The following RALGPS2 variants were observed in gnomAD, a reference collection of about 807,000 sequenced individuals.
RALGPS2 encodes ras-specific guanine nucleotide-releasing factor RalGPS2.
Under a neutral mutation model 86.8 loss-of-function variants are expected in RALGPS2, and 43 were observed. The observed-to-expected ratio is 0.50, with a 90% CI of 0.39 to 0.64. The LOEUF (loss-of-function observed/expected upper bound fraction) is 0.64, where lower values mean the gene tolerates loss of function less well. RALGPS2 is among the 30% of genes least tolerant of loss of function. The pLI, the probability that RALGPS2 is intolerant of heterozygous loss-of-function variation, is 0.00. For synonymous variants in RALGPS2, 243 were observed against 231.3 expected, an observed-to-expected ratio of 1.05 and a Z score of -0.46; for missense variants, 536 against 694.6, an observed-to-expected ratio of 0.77 and a Z score of 2.57.
intron 8 of RALGPS2, among the ~76,000 whole-genome samples, chr1:178,863,764 A>C (rs1454613619): frequency 6.6e-6 from 1 of 152,226 alleles, no homozygotes; most frequent in Non-Finnish European, 1.5e-5. Flanking sequence ...ATGCCAGTGA[A>C]GGACCTAAAG....
chr1:178,919,889 G>A lies in RALGPS2; in HGVS notation c.*3530G>A, dbSNP rs1660928994. The A allele has an allele frequency of 1.3e-5, 2 of 151,962 alleles. No homozygotes were observed. The highest frequency in any genetic ancestry group is 4.8e-5 in the African/African-American group (2 of 41,426). The allele number at this position is 151,962 out of a possible 1,614,324, so 9.4% of individuals were successfully genotyped here. On this transcript the variant is annotated 3_prime_UTR_variant, in exon 20 of 20. Coordinates refer to ENST00000367635, the MANE Select transcript of RALGPS2 (RefSeq NM_152663.5). ...ATAAAGCAAATCCTCTGCTTCAAAG[G>A]TTTTTGAAATAATTGGATCCCTTTT...
At chr1:178,846,353 T>G (rs1213466251) in intron 8 of RALGPS2, among the ~76,000 whole-genome samples, 1 of 152,182 alleles carries the variant, frequency 6.6e-6, no homozygotes. Flanking sequence ...CCTTACCCTA[T>G]TCTTTTAATT....
chr1:178,772,101 A>G (rs1321226269), intron 1 of RALGPS2, among the ~76,000 whole-genome samples: 2 of 152,168 alleles, frequency 1.3e-5, no homozygotes, highest in Non-Finnish European at 2.9e-5. Context: ...TTCCACACTA[A>G]TATGCTATGT....
intron 8 of RALGPS2, among the ~76,000 whole-genome samples, chr1:178,859,398 T>TA (rs1657803446): frequency 6.8e-6 from 1 of 146,376 alleles, no homozygotes; most frequent in Non-Finnish European, 1.5e-5. Context: ...TTTCCAAGTT[T>TA]AACTTTTTTT....
chr1:178,837,185 A>G (rs930471981), intron 8 of RALGPS2, among the ~76,000 whole-genome samples: 37 of 152,320 alleles, frequency 2.4e-4, no homozygotes, highest in African/African-American at 8.9e-4. Context: ...CTAACTTTGT[A>G]TATCACTGTA....
chr1:178,750,270 T>C (rs879306884), intron 1 of RALGPS2, among the ~76,000 whole-genome samples: 3 of 152,228 alleles, frequency 2.0e-5, no homozygotes, highest in Admixed American at 2.0e-4. Flanking sequence ...AGTTCTGCTT[T>C]TGGAGTGTGA....
intron 8 of RALGPS2, among the ~76,000 whole-genome samples, chr1:178,839,270 A>G (rs12746142): frequency 0.47 from 71,142 of 152,016 alleles, 18,072 homozygotes; most frequent in African/African-American, 0.66. Context: ...GAGAAAGGTC[A>G]GGTTACCCTC....
intron 19 of RALGPS2, among the ~76,000 whole-genome samples, chr1:178,915,202 G>A (rs549589759): frequency 6.6e-6 from 1 of 152,216 alleles, no homozygotes; most frequent in African/African-American, 2.4e-5. Flanking sequence ...AACTTAAAAA[G>A]AAATGAAACT....
chr1:178,740,249 T>C (rs1650942220), intron 1 of RALGPS2, among the ~76,000 whole-genome samples: 1 of 152,222 alleles, frequency 6.6e-6, no homozygotes, highest in Non-Finnish European at 1.5e-5. Context: ...AGATATGTCA[T>C]TTATAATTCT....
chr1:178,867,144 T>C (rs1002807640), intron 8 of RALGPS2, among the ~76,000 whole-genome samples: 79 of 152,276 alleles, frequency 5.2e-4, no homozygotes, highest in African/African-American at 1.8e-3. Flanking sequence ...TGTTTATGCC[T>C]GTTGTTAATA....
At position 178,862,115 on chromosome 1, in the gene RALGPS2, C is replaced by T. The variant is rs558362318; in HGVS notation, c.608-15383C>T. Among the ~76,000 whole-genome samples, 4 of 152,108 alleles carry T rather than the reference C, an allele frequency of 2.6e-5. No homozygotes were observed. The South Asian group carries it at 6.2e-4, about 24-fold the overall frequency. ...CTCAAACTCCTGACCTCAAGTGATC[C>T]GTCTGCCTCGGCCTCCGAAAGTGTT... is the stretch of plus-strand genomic sequence containing the variant. On this transcript the variant is annotated intron_variant, in intron 8 of 19. Transcript: ENST00000367635.
At chr1:178,892,866 G>A (rs746733412) in intron 15 of RALGPS2, among the ~76,000 whole-genome samples, 19 of 152,038 alleles carry the variant, frequency 1.2e-4, no homozygotes, top group Non-Finnish European at 2.2e-4. Flanking sequence ...GATTGGGAAC[G>A]TGGGGTTTAG....
intron 17 of RALGPS2, among the ~76,000 whole-genome samples, chr1:178,901,502 A>C (rs1660172604): frequency 6.6e-6 from 1 of 152,064 alleles, no homozygotes; most frequent in African/African-American, 2.4e-5. Context: ...CAGAATTAAG[A>C]AAAGAAGTTG....
In RALGPS2 at chr1:178,856,194, GAGAGAGAGAT is replaced by G. The variant is rs1472346882; in HGVS notation, c.608-21302_608-21293del. Among the ~76,000 whole-genome samples, 797 of 99,176 alleles carry G rather than the reference GAGAGAGAGAT, an allele frequency of 8.0e-3. 29 individuals are homozygous for G. The highest frequency in any genetic ancestry group is 0.037 in the African/African-American group (674 of 18,386). 65.1% of individuals were successfully genotyped at this position (99,176 alleles called of 152,430 possible). A position where few individuals can be genotyped will look rare whatever the true frequency, so the allele number is the denominator to read the frequency against. ...ACTGTGTTACCTGTACTTTTCCAGAGAGAGAGAGATATATATATATATATATATATATATA... is the reference window on the plus strand; with the variant it reads ...ACTGTGTTACCTGTACTTTTCCAGAGATATATATATATATATATATATATA... On this transcript the variant is annotated intron_variant, in intron 8 of 19. Transcript: ENST00000367635.
intron 7 of RALGPS2, among the ~76,000 whole-genome samples, chr1:178,826,217 T>G (rs1182541392): frequency 6.6e-6 from 1 of 152,210 alleles, no homozygotes. Flanking sequence ...TTCACTGTTG[T>G]ATTCAACATA....
intron 9 of RALGPS2, 92 bp from the exon 10 acceptor site, chr1:178,878,810 C>A: frequency 6.6e-7 from 1 of 1,523,528 alleles, no homozygotes; most frequent in Non-Finnish European, 8.8e-7. Flanking sequence ...GCCATGTGGC[C>A]TTAATTTACC....
At chr1:178,839,627 ACAT>A (rs1333937225) in intron 8 of RALGPS2, among the ~76,000 whole-genome samples, 1 of 152,172 alleles carries the variant, frequency 6.6e-6, no homozygotes, top group African/African-American at 2.4e-5. Flanking sequence ...TAACCAGCGA[ACAT>A]CATAATGACA....
chr1:178,912,157 T>C (rs1660653549), intron 19 of RALGPS2, among the ~76,000 whole-genome samples: 6 of 152,214 alleles, frequency 3.9e-5, no homozygotes, highest in Admixed American at 3.3e-4. Flanking sequence ...TTGGCCAGCT[T>C]ATCACTTTGC....
chr1:178,917,098 A>G lies in RALGPS2; in HGVS notation c.*739A>G, dbSNP rs1365790789. 1 of 152,174 alleles carries G rather than the reference A, an allele frequency of 6.6e-6. No individual in the cohort carries two copies. Among genetic ancestry groups the G allele is most frequent in the African/African-American group, 2.4e-5 (1 of 41,456 alleles). The allele number at this position is 152,174 out of a possible 1,614,324, so 9.4% of individuals were successfully genotyped here. A position where few individuals can be genotyped will look rare whatever the true frequency, so the allele number is the denominator to read the frequency against. On this transcript the variant is annotated 3_prime_UTR_variant, in exon 20 of 20. Coordinates refer to ENST00000367635, the MANE Select transcript of RALGPS2 (RefSeq NM_152663.5). ...TACAAAGGCTGTGTGTTCATTTGCC[A>G]GACGCTTTTTTTTTAAATAGGTTCC...
Sources: gnomAD v4.1 joint callset for allele counts (sites outside exome capture counted in the v4.1 genomes callset) on GRCh38, gnomAD v4.1.1 for gene constraint, MANE v1.5 for transcripts, NCBI Gene and HGNC (gene_info 2026-07-23, HGNC 2026-07-21) for gene names.